The following TYW3 variants were observed in gnomAD, a reference collection of about 807,000 sequenced individuals.
TYW3 encodes the protein tRNA-yW synthesizing protein 3 homolog, also known as tRNA wybutosine-synthesizing protein 3 homolog.
In TYW3, 26 loss-of-function variants were observed where a neutral mutation model predicts 23.1. That is an observed-to-expected ratio of 1.13 (90% confidence interval 0.83 to 1.56). The LOEUF is 1.56. Ranked by LOEUF, TYW3 falls within the 40% of genes most tolerant of loss-of-function variation. TYW3 has a pLI of 0.00. For missense variants in TYW3, 316 were observed against 311.9 expected (o/e 1.01, Z -0.10); for synonymous variants, 102 against 105.7 (o/e 0.97, Z 0.21).
intron 3 of TYW3, among the ~76,000 whole-genome samples, chr1:74,740,712 C>G (rs1367653975): frequency 1.3e-5 from 2 of 152,180 alleles, no homozygotes; most frequent in Admixed American, 1.3e-4. Flanking sequence ...GGTGCGTTTA[C>G]AATCCTTTAG....
chr1:74,747,788 CAT>C (rs1223853266), intron 3 of TYW3, among the ~76,000 whole-genome samples: 4 of 150,818 alleles, frequency 2.7e-5, no homozygotes, highest in Admixed American at 1.3e-4. Context: ...TATGTATACA[CAT>C]GTGTACATAT....
intron 5 of TYW3, among the ~76,000 whole-genome samples, chr1:74,760,416 T>C (rs1649102565): frequency 6.6e-6 from 1 of 152,234 alleles, no homozygotes. Context: ...AACATATATT[T>C]TATTTTCTAG....
rs146297018 is a variant in TYW3, at chr1:74,741,485, G to T, written c.354+2697G>T. Among the ~76,000 whole-genome samples, 795 of 152,254 alleles carry T rather than the reference G, an allele frequency of 5.2e-3. 10 individuals carry two copies. The highest frequency in any genetic ancestry group is 0.018 in the African/African-American group (758 of 41,532). ...TCCTGCCATCTTAACTGCAGTGGGG[G>T]TAGAGAGGATTACCGAGTATGGTCC... On this transcript the variant is annotated intron_variant, in intron 3 of 5. Transcript: ENST00000370867.
intron 3 of TYW3, among the ~76,000 whole-genome samples, chr1:74,741,946 G>A (rs1052318192): frequency 2.0e-5 from 3 of 152,190 alleles, no homozygotes; most frequent in African/African-American, 7.2e-5. Context: ...AAATGTCCCT[G>A]AGTTATCATG....
In TYW3 at chr1:74,752,436, T is replaced by G. The variant is rs1453487782; in HGVS notation, c.560+11T>G. 6.2e-7 allele frequency: 1 copy of G among 1,610,776 alleles called. No homozygotes were observed. Among genetic ancestry groups the G allele is most frequent in the African/African-American group, 1.3e-5 (1 of 74,828 alleles). Reference sequence around the variant, plus strand: ...GAAAAGAATTGAGAGGTATATTAATTGGGTATTTCCATGTTATTCTTATAT... The same window carrying G: ...GAAAAGAATTGAGAGGTATATTAATGGGGTATTTCCATGTTATTCTTATAT... On this transcript the variant is annotated intron_variant, in intron 5 of 5. Transcript: ENST00000370867.
chr1:74,748,727 G>A lies in TYW3; in HGVS notation c.355-24G>A, dbSNP rs139586000. On this transcript the variant is annotated intron_variant, in intron 3 of 5. Transcript: ENST00000370867. Reference sequence around the variant, plus strand: ...ATCTGGTTACCCACAGTATCAAAATGTAACAAGTTTTATTTTCTTACAGCA... The same window carrying A: ...ATCTGGTTACCCACAGTATCAAAATATAACAAGTTTTATTTTCTTACAGCA... The A allele has an allele frequency of 7.6e-5, 123 of 1,608,220 alleles. No individual in the cohort carries two copies. The African/African-American group carries it at 1.3e-3, about 17-fold the overall frequency.
intron 5 of TYW3, among the ~76,000 whole-genome samples, chr1:74,759,040 G>A (rs76724296): frequency 2.0e-5 from 3 of 152,136 alleles, no homozygotes; most frequent in African/African-American, 7.2e-5. Context: ...GAGAATAGTG[G>A]TTAATAAATG....
intron 3 of TYW3, among the ~76,000 whole-genome samples, chr1:74,743,930 T>C (rs1340531791): frequency 1.3e-5 from 2 of 152,178 alleles, no homozygotes; most frequent in African/African-American, 4.8e-5. Flanking sequence ...CAGGATCATC[T>C]GAAAACTTCC....
chr1:74,744,923 T>C (rs750717746), intron 3 of TYW3, among the ~76,000 whole-genome samples: 7 of 151,374 alleles, frequency 4.6e-5, no homozygotes, highest in Non-Finnish European at 8.8e-5. Flanking sequence ...TTCATCCCGG[T>C]GGGTTCATGG....
In TYW3 at chr1:74,764,365, C is replaced by G. The variant is rs914077315; in HGVS notation, c.*252C>G. On this transcript the variant is annotated 3_prime_UTR_variant, in exon 6 of 6. Coordinates refer to ENST00000370867, the MANE Select transcript of TYW3 (RefSeq NM_138467.3). The stretch of plus-strand genomic sequence containing the variant: ...TCCCTACTTTTTTACCAGTTTCTCC[C>G]AGAAGCACCTGCTTAATAAATCAAA... 1.5e-5 allele frequency: 5 copies of G among 334,142 alleles called. No individual in the cohort carries two copies. Among genetic ancestry groups the G allele is most frequent in the African/African-American group, 1.1e-4 (5 of 46,894 alleles). The allele number at this position is 334,142 out of a possible 1,614,324, so 20.7% of individuals were successfully genotyped here.
intron 3 of TYW3, among the ~76,000 whole-genome samples, chr1:74,747,803 A>G (rs995213097): frequency 4.9e-5 from 7 of 142,942 alleles, no homozygotes; most frequent in African/African-American, 7.4e-5. Flanking sequence ...GTACATATAT[A>G]TGTGTACACA....
Position 74,766,045 on chromosome 1 carries a change from G to T in TYW3, c.*1932G>T, listed in dbSNP as rs1259583027. Reference sequence around the variant, plus strand: ...ATGGACCATATACCATATACGATATGGTGGCCCCATAAGATTATAATGGAC... The same window carrying T: ...ATGGACCATATACCATATACGATATTGTGGCCCCATAAGATTATAATGGAC... On this transcript the variant is annotated 3_prime_UTR_variant, in exon 6 of 6. Transcript: ENST00000370867. The T allele has an allele frequency of 1.3e-5, 2 of 151,968 alleles. No homozygotes were observed. Among genetic ancestry groups the T allele is most frequent in the Non-Finnish European group, 2.9e-5 (2 of 67,978 alleles). The allele number at this position is 151,968 out of a possible 1,614,324, so 9.4% of individuals were successfully genotyped here.
At chr1:74,761,180 T>C (rs1649126576) in intron 5 of TYW3, among the ~76,000 whole-genome samples, 1 of 152,120 alleles carries the variant, frequency 6.6e-6, no homozygotes, top group Admixed American at 6.5e-5. Context: ...ACATAACTTT[T>C]GACTTACTGA....
intron 3 of TYW3, among the ~76,000 whole-genome samples, chr1:74,741,938 A>G (rs1404146362): frequency 6.6e-6 from 1 of 152,196 alleles, no homozygotes; most frequent in Non-Finnish European, 1.5e-5. Context: ...CTCCCTGGAA[A>G]TGTCCCTGAG....
At chr1:74,755,883 T>C (rs555234686) in intron 5 of TYW3, among the ~76,000 whole-genome samples, 2 of 152,332 alleles carry the variant, frequency 1.3e-5, no homozygotes, top group South Asian at 2.1e-4. Context: ...TCATCTTGAA[T>C]TTCCATGTGT....
At chr1:74,742,470 C>A (rs530506968) in intron 3 of TYW3, among the ~76,000 whole-genome samples, 14 of 152,154 alleles carry the variant, frequency 9.2e-5, no homozygotes, top group African/African-American at 3.4e-4. Context: ...CACTCTGTTT[C>A]GGTTGGGGAA....
At chr1:74,754,214 A>G (rs1648878430) in intron 5 of TYW3, among the ~76,000 whole-genome samples, 1 of 152,202 alleles carries the variant, frequency 6.6e-6, no homozygotes, top group East Asian at 1.9e-4. Flanking sequence ...GCTTATAAAT[A>G]GAGCCCAAGA....
At chr1:74,762,476 TA>T (rs1649167008) in intron 5 of TYW3, among the ~76,000 whole-genome samples, 1 of 152,154 alleles carries the variant, frequency 6.6e-6, no homozygotes, top group African/African-American at 2.4e-5. Flanking sequence ...CATTTATAGT[TA>T]CATTTTTATT....
At chr1:74,756,732 G>T (rs1450761481) in intron 5 of TYW3, among the ~76,000 whole-genome samples, 2 of 152,228 alleles carry the variant, frequency 1.3e-5, no homozygotes, top group African/African-American at 4.8e-5. Context: ...GTAATGAGGA[G>T]CTGAATGTTA....
Sources: allele counts gnomAD v4.1 joint callset (sites outside exome capture counted in the v4.1 genomes callset), GRCh38; gene constraint gnomAD v4.1.1; transcripts MANE v1.5; gene names NCBI Gene and HGNC (gene_info 2026-07-23, HGNC 2026-07-21).